The following GRIK3 variants were observed in gnomAD, a reference collection of about 807,000 sequenced individuals.
GRIK3 encodes the protein glutamate ionotropic receptor kainate type subunit 3.
GRIK3 carries 29 observed loss-of-function variants against 102.5 expected under a neutral mutation model. The ratio of observed to expected loss-of-function variants is 0.28; its 90% CI spans 0.21 to 0.39. The LOEUF (loss-of-function observed/expected upper bound fraction) is 0.39, where lower values mean the gene tolerates loss of function less well. Ranked by LOEUF, GRIK3 falls within the 10% of genes least tolerant of loss-of-function variation. The pLI, the probability that GRIK3 is intolerant of heterozygous loss-of-function variation, is 1.00. For missense variants in GRIK3, 908 were observed against 1,252.4 expected (o/e 0.73, Z 4.15); for synonymous variants, 511 against 504.9 (o/e 1.01, Z -0.16).
intron 11 of GRIK3, among the ~76,000 whole-genome samples, chr1:36,823,137 A>G (rs1483919892): frequency 6.6e-6 from 1 of 152,078 alleles, no homozygotes; most frequent in African/African-American, 2.4e-5. Flanking sequence ...AGATGGCCGC[A>G]TTCACCCTAC....
chr1:36,976,266 G>T (rs1271974764), intron 1 of GRIK3, among the ~76,000 whole-genome samples: 1 of 152,144 alleles, frequency 6.6e-6, no homozygotes, highest in African/African-American at 2.4e-5. Flanking sequence ...CTTCCCTTTT[G>T]CCAGAGTTTT....
In GRIK3 at chr1:36,891,017, G is replaced by A. The variant is rs760146439; in HGVS notation, c.195C>T (p.Asn65=). ...GCAGAGTCCTGTTCCTGTTGATGAT[G>A]TTGGCAGAAAATCGAAAGGCATGCT... ...AEEHAFRFSA[N]IINRNRTLLP... The change falls in exon 2 of 16, where the codon AAC becomes AAT. Residue 65 remains asparagine (N), a synonymous_variant. Transcript: ENST00000373091. The A allele has an allele frequency of 5.0e-6, 8 of 1,613,884 alleles. No homozygotes were observed. Among genetic ancestry groups the A allele is most frequent in the South Asian group, 1.1e-5 (1 of 91,054 alleles).
intron 1 of GRIK3, among the ~76,000 whole-genome samples, chr1:36,939,935 G>A (rs903065779): frequency 1.3e-5 from 2 of 152,142 alleles, no homozygotes; most frequent in African/African-American, 4.8e-5. Flanking sequence ...CTGCAAATGA[G>A]GTCCCTCGGT....
At chr1:36,805,936 CAAAA>C (rs749853809) in intron 14 of GRIK3, among the ~76,000 whole-genome samples, 164 bp downstream of exon 14, 9 of 31,606 alleles carry the variant, frequency 2.8e-4, no homozygotes, top group African/African-American at 6.7e-4. Context: ...AACTCCACCT[CAAAA>C]AAAAAAAAAA....
chr1:36,997,793 C>T (rs1322084592), intron 1 of GRIK3, among the ~76,000 whole-genome samples: 2 of 152,154 alleles, frequency 1.3e-5, no homozygotes. Flanking sequence ...GCCTAGCCCA[C>T]ATCCTGGAAA....
At chr1:36,857,209 G>A (rs957104988) in intron 7 of GRIK3, among the ~76,000 whole-genome samples, 11 of 152,224 alleles carry the variant, frequency 7.2e-5, no homozygotes, top group African/African-American at 2.7e-4. Context: ...AGCCAGAGGA[G>A]CAATAGGATC....
chr1:36,833,598 G>A lies in GRIK3; in HGVS notation c.1531-7772C>T, dbSNP rs115456671. On this transcript the variant is annotated intron_variant, in intron 10 of 15. Transcript: ENST00000373091. ...ATGGGATTGGGCGGAACCATCCCTG[G>A]CATTGCAGACAGAGGTTGGGGCCAA... is the stretch of plus-strand genomic sequence containing the variant. 3.7e-3 allele frequency among the ~76,000 whole-genome samples: 561 copies of A among 152,334 alleles called. 2 individuals are homozygous for A. The highest frequency in any genetic ancestry group is 0.013 in the African/African-American group (538 of 41,568).
chr1:36,853,048 G>T (rs1195707643), intron 8 of GRIK3, among the ~76,000 whole-genome samples: 2 of 152,174 alleles, frequency 1.3e-5, no homozygotes, highest in African/African-American at 4.8e-5. Context: ...AATCGCAGAG[G>T]CCTTAGAAGC....
rs371335086 is a variant in GRIK3, at chr1:36,802,682, G to A, written c.2566-637C>T. 1.6e-4 allele frequency among the ~76,000 whole-genome samples: 25 copies of A among 152,292 alleles called. No homozygotes were observed. In the East Asian group the frequency reaches 4.6e-3, roughly 28 times the overall value. On this transcript the variant is annotated intron_variant, in intron 15 of 15. Coordinates refer to ENST00000373091, the MANE Select transcript of GRIK3 (RefSeq NM_000831.4). Reference sequence around the variant, plus strand: ...GAACATCAAGAGCGCAGCGTTTCCCGCAGGTATCTGATGATGGTGGCTTCC... The same window carrying A: ...GAACATCAAGAGCGCAGCGTTTCCCACAGGTATCTGATGATGGTGGCTTCC...
At chr1:36,896,259 C>T (rs1052126600) in intron 1 of GRIK3, among the ~76,000 whole-genome samples, 2 of 152,096 alleles carry the variant, frequency 1.3e-5, no homozygotes, top group Non-Finnish European at 2.9e-5. Flanking sequence ...ATTGATTTAA[C>T]AGACAATAGT....
intron 15 of GRIK3, among the ~76,000 whole-genome samples, chr1:36,802,462 G>A (rs1642452859): frequency 6.6e-6 from 1 of 152,176 alleles, no homozygotes; most frequent in Non-Finnish European, 1.5e-5. Flanking sequence ...GGTCAGGACT[G>A]AAGAAACATT....
intron 10 of GRIK3, among the ~76,000 whole-genome samples, chr1:36,830,810 C>CAAAA (rs948901521): frequency 2.9e-4 from 12 of 41,358 alleles, no homozygotes; most frequent in East Asian, 1.1e-3. Flanking sequence ...GACTCTGTCT[C>CAAAA]AAAAAAAAAA....
intron 1 of GRIK3, among the ~76,000 whole-genome samples, chr1:36,911,139 T>G: frequency 6.7e-6 from 1 of 149,138 alleles, no homozygotes; most frequent in African/African-American, 2.5e-5. Context: ...AGGGAGGGGG[T>G]GGCCGGAGGG....
intron 1 of GRIK3, among the ~76,000 whole-genome samples, chr1:36,928,680 C>T (rs1464950031): frequency 6.6e-6 from 1 of 152,196 alleles, no homozygotes; most frequent in Non-Finnish European, 1.5e-5. Context: ...TCCCACAATC[C>T]AAGAATCCAG....
At chr1:37,027,823 C>T (rs545246743) in intron 1 of GRIK3, among the ~76,000 whole-genome samples, 14 of 151,906 alleles carry the variant, frequency 9.2e-5, no homozygotes, top group Non-Finnish European at 1.9e-4. Flanking sequence ...CACCATTATC[C>T]CAGGCTCCCC....
At chr1:37,015,193 C>A (rs1570866954) in intron 1 of GRIK3, among the ~76,000 whole-genome samples, 1 of 152,112 alleles carries the variant, frequency 6.6e-6, no homozygotes, top group African/African-American at 2.4e-5. Context: ...AAAGGAAAAG[C>A]CACATCTCCC....
At chr1:36,865,671 C>T (rs1160250782) in intron 5 of GRIK3, among the ~76,000 whole-genome samples, 3 of 152,160 alleles carry the variant, frequency 2.0e-5, no homozygotes, top group South Asian at 2.1e-4. Context: ...CCATTCTTCC[C>T]GACCCTCAGA....
In GRIK3 at chr1:36,850,450, G is replaced by A. The variant is rs1463413662; in HGVS notation, c.1213-26C>T. 2.8e-6 allele frequency: 4 copies of A among 1,407,812 alleles called. No homozygotes were observed. The South Asian group carries it at 3.4e-5, about 12-fold the overall frequency. 87.2% of individuals were successfully genotyped at this position (1,407,812 alleles called of 1,614,324 possible). A position where few individuals can be genotyped will look rare whatever the true frequency, so the allele number is the denominator to read the frequency against. On this transcript the variant is annotated intron_variant, in intron 8 of 15. Coordinates refer to ENST00000373091, the MANE Select transcript of GRIK3 (RefSeq NM_000831.4). The surrounding 1 kb of genome is among the most constrained non-coding windows in gnomAD (Gnocchi z 4.0). ...CTGGATGGACACAGACAGAAAACAGGGTGCCGAGTCCTTGGTCTACCCATC... is the reference window on the plus strand; with the variant it reads ...CTGGATGGACACAGACAGAAAACAGAGTGCCGAGTCCTTGGTCTACCCATC...
At chr1:36,853,072 G>A (rs541152771) in intron 8 of GRIK3, among the ~76,000 whole-genome samples, 1 of 152,322 alleles carries the variant, frequency 6.6e-6, no homozygotes, top group African/African-American at 2.4e-5. Flanking sequence ...GAGCGAAGGA[G>A]CTCAGAATCC....
Sources: gnomAD v4.1 joint callset for allele counts (sites outside exome capture counted in the v4.1 genomes callset) on GRCh38, gnomAD v4.1.1 for gene constraint, Gnocchi (gnomAD v3.1) non-coding constraint, MANE v1.5 for transcripts, NCBI Gene and HGNC (gene_info 2026-07-23, HGNC 2026-07-21) for gene names.